STK32B: variants seen among roughly 807,000 people sequenced by gnomAD.
STK32B encodes the protein serine/threonine-protein kinase 32B.
A neutral mutation model predicts 52.6 loss-of-function variants in STK32B; 43 were observed. That is an observed-to-expected ratio of 0.82 (90% CI 0.64 to 1.05). The LOEUF (loss-of-function observed/expected upper bound fraction) is 1.05. Ranked by LOEUF, STK32B falls within the 50% of genes least tolerant of loss-of-function variation. STK32B has a pLI of 0.00. For synonymous variants in STK32B, 238 were observed against 204.3 expected (o/e 1.17, Z -1.41); for missense variants, 621 against 534.6 (o/e 1.16, Z -1.59).
intron 3 of STK32B, among the ~76,000 whole-genome samples, chr4:5,277,219 T>A (rs777647777): frequency 6.6e-6 from 1 of 152,188 alleles, no homozygotes; most frequent in Non-Finnish European, 1.5e-5. Context: ...GTGCAGAGAG[T>A]CATGCACTTT....
At position 5,470,639 on chromosome 4, in the gene STK32B, T is replaced by C. The variant is rs1185877454; in HGVS notation, c.1106+2569T>C. Among the ~76,000 whole-genome samples, 1 of 151,274 alleles carries C rather than the reference T, an allele frequency of 6.6e-6. No individual in the cohort carries two copies. Among genetic ancestry groups the C allele is most frequent in the Non-Finnish European group, 1.5e-5 (1 of 67,940 alleles). ...CAGCCGACCCCATCCCCACCTCATC[T>C]TGTGGGAAGAGAGCCATGCTCCATC... On this transcript the variant is annotated intron_variant, in intron 11 of 11. Coordinates refer to ENST00000282908, the MANE Select transcript of STK32B (RefSeq NM_018401.3). This position sits in a 1 kb window ranked among gnomAD's most constrained non-coding sequence, Gnocchi z 4.6.
At chr4:5,307,035 G>C (rs993381568) in intron 3 of STK32B, among the ~76,000 whole-genome samples, 4 of 152,102 alleles carry the variant, frequency 2.6e-5, no homozygotes, top group African/African-American at 9.7e-5. Flanking sequence ...TTCCTTTATA[G>C]GTTGCCTGAT....
At chr4:5,431,312 A>C (rs941638302) in intron 6 of STK32B, among the ~76,000 whole-genome samples, 4 of 152,190 alleles carry the variant, frequency 2.6e-5, no homozygotes, top group African/African-American at 9.7e-5. Flanking sequence ...GAAAATTCTA[A>C]ATAACATTAA....
At chr4:5,124,530 T>A (rs962935968) in intron 1 of STK32B, among the ~76,000 whole-genome samples, 4 of 152,170 alleles carry the variant, frequency 2.6e-5, no homozygotes, top group Admixed American at 6.5e-5. Context: ...TAGAGCCACA[T>A]CCTCATGGAA....
rs78633067 is a variant in STK32B at position 5,157,166 on chromosome 4, T to C, written c.109-11133T>C. On this transcript the variant is annotated intron_variant, in intron 2 of 11. Coordinates refer to ENST00000282908, the MANE Select transcript of STK32B (RefSeq NM_018401.3). Reference sequence around the variant, plus strand: ...AAAAATGTATTCTTTTAGAATCTTATTGATCTTTCAAGGTACTGGGTCTCT... The same window carrying C: ...AAAAATGTATTCTTTTAGAATCTTACTGATCTTTCAAGGTACTGGGTCTCT... Among the ~76,000 whole-genome samples the C allele has an allele frequency of 3.6e-3, 552 of 152,250 alleles. 12 individuals carry two copies. In the East Asian group the frequency reaches 0.058, roughly 16 times the overall value.
At chr4:5,216,047 A>G (rs1723163757) in intron 3 of STK32B, among the ~76,000 whole-genome samples, 1 of 152,178 alleles carries the variant, frequency 6.6e-6, no homozygotes, top group African/African-American at 2.4e-5. Flanking sequence ...GCAGAGTGAA[A>G]GTCTTATCTA....
At chr4:5,199,039 T>C (rs981318647) in intron 3 of STK32B, among the ~76,000 whole-genome samples, 2 of 152,178 alleles carry the variant, frequency 1.3e-5, no homozygotes, top group African/African-American at 4.8e-5. Flanking sequence ...ATGAGATTTC[T>C]GATGAAGCAC....
chr4:5,357,040 CATATAT>C (rs1271236612), intron 4 of STK32B, among the ~76,000 whole-genome samples: 1 of 148,586 alleles, frequency 6.7e-6, no homozygotes. Flanking sequence ...CACACACACA[CATATAT>C]ACACACACAC....
At chr4:5,432,671 G>T (rs1311725753) in intron 6 of STK32B, among the ~76,000 whole-genome samples, 1 of 152,108 alleles carries the variant, frequency 6.6e-6, no homozygotes, top group Non-Finnish European at 1.5e-5. Context: ...AAGAATAGTG[G>T]CCAAATATGA....
chr4:5,168,229 G>T, intron 2 of STK32B, 70 bp from the exon 3 acceptor site: 1 of 1,549,826 alleles, frequency 6.5e-7, no homozygotes, highest in Non-Finnish European at 8.8e-7. Context: ...TGCAGTGCGG[G>T]GTGACATTTC....
Position 5,489,542 on chromosome 4 carries a change from G to C in STK32B, c.1107-9403G>C, listed in dbSNP as rs192180999. Among the ~76,000 whole-genome samples, 34 of 151,596 alleles carry C rather than the reference G, an allele frequency of 2.2e-4. No homozygotes were observed. The East Asian group carries it at 5.4e-3, about 24-fold the overall frequency. On this transcript the variant is annotated intron_variant, in intron 11 of 11. Coordinates refer to ENST00000282908, the MANE Select transcript of STK32B (RefSeq NM_018401.3). ...TAAAACTGTCTGATAAGTAAACCCA[G>C]GCAAAAAAACGTATGTAGACAATTA... is the stretch of plus-strand genomic sequence containing the variant.
upstream of STK32B, among the ~76,000 whole-genome samples, chr4:5,048,812 G>C (rs1293410445): frequency 1.3e-5 from 2 of 152,234 alleles, no homozygotes; most frequent in Non-Finnish European, 2.9e-5. Flanking sequence ...CTCCTCCAGA[G>C]TGGGGATGGT....
At chr4:5,134,998 A>G (rs377163247) in intron 1 of STK32B, among the ~76,000 whole-genome samples, 9 of 152,368 alleles carry the variant, frequency 5.9e-5, no homozygotes, top group East Asian at 1.9e-4. Flanking sequence ...TGGAAATGAG[A>G]AAAGAGCCCA....
intron 6 of STK32B, among the ~76,000 whole-genome samples, chr4:5,426,375 T>A (rs1713090767): frequency 6.6e-6 from 1 of 152,154 alleles, no homozygotes; most frequent in Admixed American, 6.5e-5. Flanking sequence ...ATTTTCTGTG[T>A]GGAATATATG....
At chr4:5,275,923 C>G (rs1000563288) in intron 3 of STK32B, among the ~76,000 whole-genome samples, 5 of 152,054 alleles carry the variant, frequency 3.3e-5, no homozygotes, top group Non-Finnish European at 7.4e-5. Flanking sequence ...TGCTAGGAGA[C>G]CTACTAGTAG....
At chr4:5,431,736 C>G (rs195122) in intron 6 of STK32B, among the ~76,000 whole-genome samples, 74,430 of 151,956 alleles carry the variant, frequency 0.49, 18,305 homozygotes, top group South Asian at 0.55. Context: ...CTATTGCTAG[C>G]AATGCTACTA....
At chr4:5,236,935 G>A (rs1245585683) in intron 3 of STK32B, among the ~76,000 whole-genome samples, 4 of 152,150 alleles carry the variant, frequency 2.6e-5, no homozygotes, top group Non-Finnish European at 5.9e-5. Flanking sequence ...CTTATGTGTA[G>A]TTTGAATACA....
chr4:5,231,131 A>G (rs1724234372), intron 3 of STK32B, among the ~76,000 whole-genome samples: 1 of 152,268 alleles, frequency 6.6e-6, no homozygotes, highest in Non-Finnish European at 1.5e-5. Context: ...TCACTCTCAC[A>G]AGGATTTTAT....
At chr4:5,063,324 A>T (rs765923927) in intron 1 of STK32B, among the ~76,000 whole-genome samples, 14 of 152,146 alleles carry the variant, frequency 9.2e-5, no homozygotes, top group Non-Finnish European at 1.9e-4. Context: ...TTATTTAACC[A>T]AACATACCCC....
Sources: allele counts gnomAD v4.1 joint callset (sites outside exome capture counted in the v4.1 genomes callset), GRCh38; gene constraint gnomAD v4.1.1; non-coding constraint Gnocchi (gnomAD v3.1); transcripts MANE v1.5; gene names NCBI Gene and HGNC (gene_info 2026-07-23, HGNC 2026-07-21).